PDE10A: variants seen among roughly 807,000 people sequenced by gnomAD.
PDE10A encodes cAMP and cAMP-inhibited cGMP 3',5'-cyclic phosphodiesterase 10A.
PDE10A carries 39 observed loss-of-function variants against 97.7 expected under a neutral mutation model. The observed-to-expected ratio is 0.40, with a 90% confidence interval of 0.31 to 0.52. The LOEUF is 0.52. Among genes scored for constraint, PDE10A ranks in the 20% least tolerant of loss-of-function variants. The pLI is 0.56. For missense variants in PDE10A, 731 were observed against 1,047.8 expected, an observed-to-expected ratio of 0.70 and a Z score of 4.17; for synonymous variants, 371 against 376.8, an observed-to-expected ratio of 0.98 and a Z score of 0.18.
At position 165,608,765 on chromosome 6, in the gene PDE10A, C is replaced by T. The variant is rs530167458; in HGVS notation, c.865+53182G>A. On this transcript the variant is annotated intron_variant, in intron 1 of 21. Transcript: ENST00000539869. ...TGTTCCTATTTCTCCATATCCTCTC[C>T]AGCACCTGTTATTTCCTGACTTTTT... is the stretch of plus-strand genomic sequence containing the variant. Among the ~76,000 whole-genome samples, 4 of 152,318 alleles carry T rather than the reference C, an allele frequency of 2.6e-5. No homozygotes were observed. The East Asian group carries it at 7.7e-4, about 29-fold the overall frequency.
At chr6:165,531,736 T>A (rs928529009) in intron 2 of PDE10A, among the ~76,000 whole-genome samples, 2 of 147,198 alleles carry the variant, frequency 1.4e-5, no homozygotes, top group Non-Finnish European at 3.0e-5. Context: ...AGAAAAGAAT[T>A]ATATATAGTT....
chr6:165,474,247 A>C (rs895393411), intron 3 of PDE10A, among the ~76,000 whole-genome samples: 9 of 152,198 alleles, frequency 5.9e-5, no homozygotes, highest in Admixed American at 3.9e-4. Context: ...CCAGTTAAGG[A>C]ACTTCTACCA....
intron 1 of PDE10A, among the ~76,000 whole-genome samples, chr6:165,968,671 A>T (rs531452708): frequency 6.8e-4 from 104 of 152,340 alleles, no homozygotes; most frequent in Non-Finnish European, 1.2e-3. Flanking sequence ...CTTGTAAACA[A>T]GGGATTTTAA....
At chr6:165,526,979 C>T (rs1040214449) in intron 2 of PDE10A, among the ~76,000 whole-genome samples, 5 of 152,190 alleles carry the variant, frequency 3.3e-5, no homozygotes, top group African/African-American at 1.2e-4. Context: ...TGACATTATG[C>T]TGATTACATC....
intron 1 of PDE10A, among the ~76,000 whole-genome samples, chr6:165,609,635 A>C (rs1037293828): frequency 6.6e-6 from 1 of 152,208 alleles, no homozygotes; most frequent in African/African-American, 2.4e-5. Context: ...AAATCTCCTT[A>C]AGCTGATAGG....
At chr6:165,542,937 T>C (rs1783539042) in intron 2 of PDE10A, among the ~76,000 whole-genome samples, 1 of 152,146 alleles carries the variant, frequency 6.6e-6, no homozygotes, top group South Asian at 2.1e-4. Flanking sequence ...GTTCTTTTAC[T>C]GAAAGTTTAC....
At chr6:165,666,443 T>C (rs1355203253), upstream of PDE10A, among the ~76,000 whole-genome samples, 1 of 152,212 alleles carries the variant, frequency 6.6e-6, no homozygotes, top group African/African-American at 2.4e-5. Flanking sequence ...TAAGCAAGTG[T>C]TTATTGTTCC....
At chr6:165,760,607 T>G (rs972166981) in intron 1 of PDE10A, among the ~76,000 whole-genome samples, 3 of 152,198 alleles carry the variant, frequency 2.0e-5, no homozygotes, top group African/African-American at 7.2e-5. Context: ...GCTGGATGCA[T>G]TCAAAAGAAT....
chr6:165,907,181 T>G (rs200312640), intron 1 of PDE10A, among the ~76,000 whole-genome samples: 1 of 152,250 alleles, frequency 6.6e-6, no homozygotes, highest in Non-Finnish European at 1.5e-5. Context: ...AAACCCTGGC[T>G]GCAAGGCACA....
At chr6:165,382,677 T>G (rs1348114078) in intron 17 of PDE10A, among the ~76,000 whole-genome samples, 1 of 152,136 alleles carries the variant, frequency 6.6e-6, no homozygotes, top group Non-Finnish European at 1.5e-5. Context: ...ATATTTAAGT[T>G]TCTGGTTCAT....
intron 1 of PDE10A, among the ~76,000 whole-genome samples, chr6:165,981,790 G>A (rs1583393710): frequency 2.0e-5 from 3 of 152,122 alleles, no homozygotes; most frequent in African/African-American, 7.2e-5. Flanking sequence ...TTCCTCTTCC[G>A]AGGGCCATGC....
chr6:165,686,729 G>T (rs1791130923), intron 1 of PDE10A, among the ~76,000 whole-genome samples: 1 of 152,214 alleles, frequency 6.6e-6, no homozygotes, highest in Admixed American at 6.5e-5. Flanking sequence ...ACAGCCATGA[G>T]CCATTTGGTT....
At chr6:165,930,461 A>C (rs1783097367) in intron 1 of PDE10A, among the ~76,000 whole-genome samples, 1 of 152,194 alleles carries the variant, frequency 6.6e-6, no homozygotes, top group South Asian at 2.1e-4. Flanking sequence ...CAGGGAAGAA[A>C]ACAGAGAAAT....
chr6:165,832,662 G>C (rs539030477), intron 1 of PDE10A, among the ~76,000 whole-genome samples: 2 of 152,176 alleles, frequency 1.3e-5, no homozygotes, highest in Non-Finnish European at 2.9e-5. Context: ...CCGTTTCCTC[G>C]GTGTGGATGA....
intron 1 of PDE10A, among the ~76,000 whole-genome samples, chr6:165,938,660 G>A (rs918796495): frequency 4.6e-5 from 7 of 152,044 alleles, no homozygotes; most frequent in Non-Finnish European, 8.8e-5. Context: ...GGGGCCCTGG[G>A]CACTTGTCAA....
Position 165,388,213 on chromosome 6 carries a change from A to G in PDE10A, c.2610+85T>C. On this transcript the variant is annotated intron_variant, in intron 17 of 21. Coordinates refer to ENST00000539869, the MANE Select transcript of PDE10A (RefSeq NM_001385079.1). This position sits in a 1 kb window ranked among gnomAD's most constrained non-coding sequence, Gnocchi z 4.0. ...AGCTGTTGCTTTTAAGGAAGCCATAATGATCTTCCTTTTCCACCTATGAAG... is the reference window on the plus strand; with the variant it reads ...AGCTGTTGCTTTTAAGGAAGCCATAGTGATCTTCCTTTTCCACCTATGAAG... The G allele has an allele frequency of 4.1e-6, 5 of 1,217,504 alleles. No individual in the cohort carries two copies. Among genetic ancestry groups the G allele is most frequent in the Non-Finnish European group, 5.9e-6 (5 of 845,256 alleles). 75.4% of individuals were successfully genotyped at this position (1,217,504 alleles called of 1,614,324 possible).
At chr6:165,984,800 C>G (rs1785134129) in intron 1 of PDE10A, among the ~76,000 whole-genome samples, 1 of 152,182 alleles carries the variant, frequency 6.6e-6, no homozygotes, top group Admixed American at 6.5e-5. Flanking sequence ...TACTGAAATA[C>G]CCCTTTTGAG....
chr6:165,768,458 G>A (rs943733704), intron 1 of PDE10A, among the ~76,000 whole-genome samples: 5 of 152,040 alleles, frequency 3.3e-5, no homozygotes, highest in Non-Finnish European at 5.9e-5. Context: ...TGTGTAAAAC[G>A]TAAGGTAGTA....
chr6:165,549,745 C>G (rs1164854727), intron 1 of PDE10A, among the ~76,000 whole-genome samples: 1 of 152,056 alleles, frequency 6.6e-6, no homozygotes, highest in Non-Finnish European at 1.5e-5. Flanking sequence ...AATATATTAT[C>G]CTAATAAGCC....
Sources: allele counts gnomAD v4.1 joint callset (sites outside exome capture counted in the v4.1 genomes callset), GRCh38; gene constraint gnomAD v4.1.1; non-coding constraint Gnocchi (gnomAD v3.1); transcripts MANE v1.5; gene names NCBI Gene and HGNC (gene_info 2026-07-23, HGNC 2026-07-21).